MEIS1: variants seen among roughly 807,000 people sequenced by gnomAD.
MEIS1 encodes Meis homeobox 1, also known as homeobox protein Meis1.
MEIS1 carries 5 observed loss-of-function variants against 50.8 expected under a neutral mutation model. The ratio of observed to expected loss-of-function variants is 0.10; its 90% CI spans 0.05 to 0.21. MEIS1 has a LOEUF of 0.21. Among genes scored for constraint, MEIS1 ranks in the 10% least tolerant of loss-of-function variants. The pLI, the probability that MEIS1 is intolerant of heterozygous loss-of-function variation, is 1.00. For missense variants in MEIS1, 318 were observed against 517.3 expected (o/e 0.61, Z 3.74); for synonymous variants, 176 against 179.3 (o/e 0.98, Z 0.15).
At position 66,571,353 on chromosome 2, in the gene MEIS1, C is replaced by T. The variant is rs751597298; in HGVS notation, c.*145C>T. The T allele has an allele frequency of 3.1e-6, 5 of 1,600,968 alleles. No individual in the cohort carries two copies. The African/African-American group carries it at 6.7e-5, about 21-fold the overall frequency. On this transcript the variant is annotated 3_prime_UTR_variant, in exon 13 of 13. Transcript: ENST00000272369. Reference sequence around the variant, plus strand: ...CCAGATGCCCCCCCATCCTGCTCAGCTGCGTCATGGGCCCCCCATGCATAC... The same window carrying T: ...CCAGATGCCCCCCCATCCTGCTCAGTTGCGTCATGGGCCCCCCATGCATAC...
Position 66,571,549 on chromosome 2 carries a change from T to C in MEIS1, c.*341T>C. 1 of 1,552,530 alleles carries C rather than the reference T, an allele frequency of 6.4e-7. No individual in the cohort carries two copies. Among genetic ancestry groups the C allele is most frequent in the Admixed American group, 2.0e-5 (1 of 50,920 alleles). On this transcript the variant is annotated 3_prime_UTR_variant, in exon 13 of 13. Coordinates refer to ENST00000272369, the MANE Select transcript of MEIS1 (RefSeq NM_002398.3). ...CAGTAGCTTAAGGGAATATGCATTGTCTGCAATGGTGACTGATTTCAAATC... is the reference window on the plus strand; with the variant it reads ...CAGTAGCTTAAGGGAATATGCATTGCCTGCAATGGTGACTGATTTCAAATC...
intron 7 of MEIS1, among the ~76,000 whole-genome samples, chr2:66,478,873 A>T (rs1672953989): frequency 6.6e-6 from 1 of 152,214 alleles, no homozygotes; most frequent in Non-Finnish European, 1.5e-5. Flanking sequence ...TTTTCTTTGG[A>T]TGGTACTCTG....
At chr2:66,474,047 A>T (rs1199954101) in intron 7 of MEIS1, among the ~76,000 whole-genome samples, 1 of 152,186 alleles carries the variant, frequency 6.6e-6, no homozygotes, top group Non-Finnish European at 1.5e-5. Flanking sequence ...GAAAATAATG[A>T]CAAGAAAAAA....
At position 66,571,289 on chromosome 2, in the gene MEIS1, A is replaced by G; in HGVS notation, c.*81A>G. On this transcript the variant is annotated 3_prime_UTR_variant, in exon 13 of 13. Transcript: ENST00000272369. ...GGGAGTATGTAGCCCGGGGTGGTCC[A>G]ATGGGTGTGAGTATGGGACAGCCAA... is the stretch of plus-strand genomic sequence containing the variant. The G allele has an allele frequency of 6.3e-7, 1 of 1,597,614 alleles. No homozygotes were observed. Among genetic ancestry groups the G allele is most frequent in the South Asian group, 1.1e-5 (1 of 89,222 alleles).
At chr2:66,496,096 C>T in intron 7 of MEIS1, 1 of 152,422 alleles carries the variant, frequency 6.6e-6, no homozygotes. Context: ...GATTCCCAGC[C>T]AGCTGATGTT....
chr2:66,570,426 AG>A (rs1675456729), intron 12 of MEIS1: 1 of 152,196 alleles, frequency 6.6e-6, no homozygotes, highest in South Asian at 2.1e-4. Context: ...AATTTTCATT[AG>A]TTCAAAAATG....
intron 7 of MEIS1, among the ~76,000 whole-genome samples, chr2:66,474,207 A>G (rs753314698): frequency 6.6e-6 from 1 of 152,006 alleles, no homozygotes; most frequent in Non-Finnish European, 1.5e-5. Context: ...TGTTCTCCGT[A>G]CTCCTACCCT....
rs78310853 is a variant in MEIS1 at position 66,508,441 on chromosome 2, G to C, written c.743-3708G>C. On this transcript the variant is annotated intron_variant, in intron 7 of 12. Transcript: ENST00000272369. ...CTGTGCCTAGAGAGAGAGGAACCCA[G>C]AGTTTCACTTCAATGAGGGGGAAAA... Among the ~76,000 whole-genome samples, 1,203 of 152,292 alleles carry C rather than the reference G, an allele frequency of 7.9e-3. 15 individuals carry two copies. The highest frequency in any genetic ancestry group is 0.028 in the African/African-American group (1,147 of 41,566).
In MEIS1 at chr2:66,569,068, G is replaced by T. The variant is rs1455640713; in HGVS notation, c.1133G>T (p.Gly378Val). 2 of 1,613,616 alleles carry T rather than the reference G, an allele frequency of 1.2e-6. No homozygotes were observed. The highest frequency in any genetic ancestry group is 2.7e-5 in the African/African-American group (2 of 74,836). The change falls in exon 12 of 13, where the codon GGC (glycine) becomes GTC (valine). Residue 378 changes from glycine (G) to valine (V), a missense_variant. Coordinates refer to ENST00000272369, the MANE Select transcript of MEIS1 (RefSeq NM_002398.3). ...CTTCTAGGACCTATGAGTGGAATGG[G>T]CATGAATATGGGCATGGAGGGGCAG... The part of the protein sequence containing the change: ...IRAPGPMSGM[G>V]MNMGMEGQWH...
intron 9 of MEIS1, among the ~76,000 whole-genome samples, chr2:66,562,546 T>C (rs1467872366): frequency 1.3e-5 from 2 of 152,286 alleles, no homozygotes; most frequent in Non-Finnish European, 2.9e-5. Context: ...TAAAATTCAA[T>C]TTTTAGATGA....
rs367948026 is a variant in MEIS1 at position 66,463,393 on chromosome 2, G to A, written c.631-716G>A. ...TAAAGAGAGATTTGGGAGAGGTGTC[G>A]CCATGATTGTTTTCCTCAAGAATTT... On this transcript the variant is annotated intron_variant, in intron 6 of 12. Coordinates refer to ENST00000272369, the MANE Select transcript of MEIS1 (RefSeq NM_002398.3). Among the ~76,000 whole-genome samples the A allele has an allele frequency of 7.1e-4, 108 of 152,106 alleles. No individual in the cohort carries two copies. The South Asian group carries it at 0.015, about 20-fold the overall frequency.
chr2:66,560,718 C>T (rs1675192690), intron 9 of MEIS1, among the ~76,000 whole-genome samples: 1 of 152,084 alleles, frequency 6.6e-6, no homozygotes, highest in Non-Finnish European at 1.5e-5. Flanking sequence ...GAAAACTTTT[C>T]ATGTGGCTGA....
chr2:66,473,120 T>G (rs1016172926), intron 7 of MEIS1, among the ~76,000 whole-genome samples: 3 of 152,056 alleles, frequency 2.0e-5, no homozygotes, highest in African/African-American at 7.3e-5. Context: ...GGCTCATGCC[T>G]GTAATCCCAG....
At chr2:66,445,035 C>T (rs1672094620) in intron 6 of MEIS1, among the ~76,000 whole-genome samples, 1 of 152,132 alleles carries the variant, frequency 6.6e-6, no homozygotes. Flanking sequence ...TGGAGCTCCC[C>T]CCTTCTCCTT....
intron 8 of MEIS1, among the ~76,000 whole-genome samples, chr2:66,544,752 C>T (rs1359649882): frequency 6.6e-6 from 1 of 151,994 alleles, no homozygotes; most frequent in African/African-American, 2.4e-5. Flanking sequence ...ACAGTTTGTT[C>T]CAATTACTTA....
At chr2:66,487,800 A>C (rs1673178253) in intron 7 of MEIS1, among the ~76,000 whole-genome samples, 1 of 152,208 alleles carries the variant, frequency 6.6e-6, no homozygotes, top group East Asian at 1.9e-4. Flanking sequence ...AAACGACTGA[A>C]ATTCTAAGAA....
At chr2:66,554,694 G>A (rs574574916) in intron 9 of MEIS1, among the ~76,000 whole-genome samples, 1 of 152,320 alleles carries the variant, frequency 6.6e-6, no homozygotes, top group East Asian at 1.9e-4. Context: ...ATTCTAGACT[G>A]TGTAATAATG....
At chr2:66,459,265 A>G (rs1394171101) in intron 6 of MEIS1, among the ~76,000 whole-genome samples, 1 of 152,194 alleles carries the variant, frequency 6.6e-6, no homozygotes, top group African/African-American at 2.4e-5. Flanking sequence ...ATGGGCCTGG[A>G]GCAATAAGCA....
intron 3 of MEIS1, chr2:66,440,302 G>A: frequency 1.7e-6 from 1 of 592,730 alleles, no homozygotes; most frequent in Non-Finnish European, 3.0e-6. Flanking sequence ...CTGTGGACTC[G>A]GCGGTCTGAG....
Sources: gnomAD v4.1 joint callset for allele counts (sites outside exome capture counted in the v4.1 genomes callset) on GRCh38, gnomAD v4.1.1 for gene constraint, MANE v1.5 for transcripts, NCBI Gene and HGNC (gene_info 2026-07-23, HGNC 2026-07-21) for gene names.